DHTKD1: variants seen among roughly 807,000 people sequenced by gnomAD.
DHTKD1 encodes the protein 2-oxoadipate dehydrogenase complex component E1.
Under a neutral mutation model 101.8 loss-of-function variants are expected in DHTKD1, and 78 were observed. The observed-to-expected ratio is 0.77, with a 90% confidence interval of 0.64 to 0.93. DHTKD1 has a LOEUF of 0.93. Among genes scored for constraint, DHTKD1 ranks in the 40% least tolerant of loss-of-function variants. DHTKD1 has a pLI of 0.00. For synonymous variants in DHTKD1, 462 were observed against 450.3 expected (o/e 1.03, Z -0.33); for missense variants, 1,223 against 1,161.7 (o/e 1.05, Z -0.77).
At chr10:12,089,400 C>T (rs1334890907) in intron 5 of DHTKD1, 145 bp downstream of exon 5, 2 of 853,186 alleles carry the variant, frequency 2.3e-6, no homozygotes, top group Admixed American at 2.8e-5. Context: ...GTTTTAAAAA[C>T]TAACAGGAGA....
intron 12 of DHTKD1, among the ~76,000 whole-genome samples, chr10:12,109,044 C>T (rs576672380): frequency 3.9e-5 from 6 of 151,966 alleles, no homozygotes; most frequent in East Asian, 1.9e-4. Context: ...CCAAGCTACT[C>T]GGGAGCCTGA....
intron 10 of DHTKD1, 83 bp downstream of exon 10, chr10:12,101,264 C>A: frequency 1.4e-6 from 2 of 1,478,544 alleles, no homozygotes; most frequent in South Asian, 1.3e-5. Flanking sequence ...GGAAGGAGTG[C>A]TGGCAACTTT....
At chr10:12,111,505 T>C (rs1833329868) in intron 12 of DHTKD1, among the ~76,000 whole-genome samples, 1 of 152,144 alleles carries the variant, frequency 6.6e-6, no homozygotes, top group African/African-American at 2.4e-5. Flanking sequence ...GCCTGTTTGG[T>C]GATAGGCATG....
At chr10:12,084,884 C>G in intron 3 of DHTKD1, 133 bp downstream of exon 3, 2 of 690,660 alleles carry the variant, frequency 2.9e-6, no homozygotes, top group East Asian at 2.8e-5. Context: ...AACCCCATCT[C>G]TACTAAAAAT....
At chr10:12,112,856 G>C in intron 12 of DHTKD1, 44 bp from the exon 13 acceptor site, 1 of 1,545,036 alleles carries the variant, frequency 6.5e-7, no homozygotes, top group Non-Finnish European at 8.8e-7. Flanking sequence ...GACTGAAATA[G>C]ATGATCTGAA....
chr10:12,092,523 G>A (rs746746904), intron 6 of DHTKD1, among the ~76,000 whole-genome samples: 3 of 151,984 alleles, frequency 2.0e-5, no homozygotes, highest in Non-Finnish European at 2.9e-5. Flanking sequence ...AGATGTGAAG[G>A]CTGGGCACAG....
intron 6 of DHTKD1, among the ~76,000 whole-genome samples, chr10:12,093,619 A>G (rs373455851): frequency 3.2e-4 from 49 of 152,290 alleles, no homozygotes; most frequent in African/African-American, 9.9e-4. Flanking sequence ...GGGCTTGTCT[A>G]TGTGAATCCT....
intron 3 of DHTKD1, among the ~76,000 whole-genome samples, chr10:12,086,009 A>G (rs541054647): frequency 8.6e-5 from 13 of 152,018 alleles, no homozygotes; most frequent in South Asian, 4.2e-4. Flanking sequence ...AGCTGGGATT[A>G]CAGGCACGTG....
At chr10:12,081,720 C>CCTCAGCTCCAG in intron 2 of DHTKD1, 93 bp downstream of exon 2, 7 of 1,447,518 alleles carry the variant, frequency 4.8e-6, no homozygotes, top group Non-Finnish European at 6.7e-6. Context: ...CCCACTGGAG[C>CCTCAGCTCCAG]TGAGGCTCCC....
At chr10:12,088,190 G>C (rs1024702598) in intron 4 of DHTKD1, among the ~76,000 whole-genome samples, 2 of 152,122 alleles carry the variant, frequency 1.3e-5, no homozygotes, top group Non-Finnish European at 2.9e-5. Flanking sequence ...GGGCAAGGTG[G>C]CTCATACCTG....
In DHTKD1 at chr10:12,084,618, T is replaced by C. The variant is rs1335007591; in HGVS notation, c.389T>C (p.Ile130Thr). Reference protein sequence around the residue: ...VYLNQIYCGQISIETSQLQSQ... With the variant: ...VYLNQIYCGQTSIETSQLQSQ... The stretch of plus-strand genomic sequence containing the variant: ...CTCAATCAAATCTACTGTGGGCAGA[T>C]TTCTATTGAAACCTCCCAACTTCAG... Residue 130 changes from isoleucine to threonine, a missense_variant, in exon 3 of 17, where the codon ATT becomes ACT. Transcript: ENST00000263035. 1 of 1,614,042 alleles carries C rather than the reference T, an allele frequency of 6.2e-7. No homozygotes were observed. The highest frequency in any genetic ancestry group is 8.5e-7 in the Non-Finnish European group (1 of 1,179,910).
Position 12,069,047 on chromosome 10 carries a change from C to T in DHTKD1, c.14C>T (p.Thr5Ile). The T allele has an allele frequency of 1.2e-6, 2 of 1,613,168 alleles. No individual in the cohort carries two copies. Among genetic ancestry groups the T allele is most frequent in the East Asian group, 2.2e-5 (1 of 44,868 alleles). ...CATCTGGTGAACATGGCCTCTGCTA[C>T]TGCGGCAGCAGCACGACGGGGCCTC... MASA[T>I]AAAARRGLGR... Residue 5 changes from threonine (T) to isoleucine (I), a missense_variant, in exon 1 of 17, where the codon ACT becomes ATT. By Grantham distance (89) the Thr-to-Ile change is moderately conservative (BLOSUM62 -1). Transcript: ENST00000263035.
chr10:12,108,409 G>T (rs574398921), intron 12 of DHTKD1, among the ~76,000 whole-genome samples: 2 of 152,164 alleles, frequency 1.3e-5, no homozygotes, highest in African/African-American at 4.8e-5. Flanking sequence ...CCTCCAAGTA[G>T]CTGGGACCAC....
chr10:12,108,064 G>T, intron 12 of DHTKD1, 49 bp downstream of exon 12: 1 of 1,424,658 alleles, frequency 7.0e-7, no homozygotes, highest in Non-Finnish European at 9.9e-7. Context: ...CTGCTTCCTA[G>T]AGCTTTTCTA....
At chr10:12,118,717 CCCCACCCT>C in intron 14 of DHTKD1, 24 bp from the exon 15 acceptor site, 1 of 1,450,858 alleles carries the variant, frequency 6.9e-7, no homozygotes. Context: ...AAAATTTCTC[CCCCACCCT>C]ATTGTTCCTT....
Position 12,097,724 on chromosome 10 carries a change from A to T in DHTKD1, c.1399A>T (p.Ile467Phe). ...SIPDTYAEHL[I>F]AGGLMTQEEV... Reference sequence around the variant, plus strand: ...TCCAGACACATATGCAGAGCACCTCATTGCTGGCGGACTCATGACGCAGGA... The same window carrying T: ...TCCAGACACATATGCAGAGCACCTCTTTGCTGGCGGACTCATGACGCAGGA... Residue 467 changes from isoleucine (I) to phenylalanine (F), a missense_variant, in exon 8 of 17, where the codon ATT becomes TTT. Transcript: ENST00000263035. 2 of 1,613,406 alleles carry T rather than the reference A, an allele frequency of 1.2e-6. No homozygotes were observed. Among genetic ancestry groups the T allele is most frequent in the South Asian group, 2.2e-5 (2 of 91,066 alleles).
chr10:12,089,429 C>T lies in DHTKD1; in HGVS notation c.987+174C>T, dbSNP rs373190988. Reference sequence around the variant, plus strand: ...CAGGAGATTCATGAGGTTTAGTCTTCAGGCAACTGGCTTTAGCCTGGGGCT... The same window carrying T: ...CAGGAGATTCATGAGGTTTAGTCTTTAGGCAACTGGCTTTAGCCTGGGGCT... On this transcript the variant is annotated intron_variant, in intron 5 of 16. Coordinates refer to ENST00000263035, the MANE Select transcript of DHTKD1 (RefSeq NM_018706.7). Among the ~76,000 whole-genome samples, 11 of 152,178 alleles carry T rather than the reference C, an allele frequency of 7.2e-5. No individual in the cohort carries two copies. The East Asian group carries it at 1.2e-3, about 16-fold the overall frequency.
chr10:12,084,253 C>G (rs1832866666), intron 2 of DHTKD1, among the ~76,000 whole-genome samples: 1 of 152,000 alleles, frequency 6.6e-6, no homozygotes, highest in South Asian at 2.1e-4. Flanking sequence ...GAACAAAGCA[C>G]TCTGCGTTGA....
chr10:12,079,168 C>T (rs1339431751), intron 1 of DHTKD1, among the ~76,000 whole-genome samples: 2 of 152,078 alleles, frequency 1.3e-5, no homozygotes, highest in South Asian at 2.1e-4. Flanking sequence ...CAGCTCAGTG[C>T]AGCCTCGAAC....
Sources: gnomAD v4.1 joint callset for allele counts (sites outside exome capture counted in the v4.1 genomes callset) on GRCh38, gnomAD v4.1.1 for gene constraint, MANE v1.5 for transcripts, NCBI Gene and HGNC (gene_info 2026-07-23, HGNC 2026-07-21) for gene names.